MORN1: variants seen among roughly 807,000 people sequenced by gnomAD.
MORN1 encodes MORN repeat containing 1.
MORN1 carries 67 observed loss-of-function variants against 61.9 expected under a neutral mutation model. The ratio of observed to expected loss-of-function variants is 1.08; its 90% CI spans 0.89 to 1.33. The LOEUF is 1.33. Among genes scored for constraint, MORN1 ranks in the 40% most tolerant of loss-of-function variants. MORN1 has a pLI of 0.00. For missense variants in MORN1, 752 were observed against 691.2 expected (o/e 1.09, Z -0.99); for synonymous variants, 301 against 292.0 (o/e 1.03, Z -0.31).
intron 12 of MORN1, among the ~76,000 whole-genome samples, chr1:2,327,463 C>G (rs1202306293): frequency 6.6e-6 from 1 of 151,318 alleles, no homozygotes; most frequent in Non-Finnish European, 1.5e-5. Context: ...AACACAAACA[C>G]AGAAACACAG....
chr1:2,387,970 G>A, intron 3 of MORN1: 1 of 477,446 alleles, frequency 2.1e-6, no homozygotes, highest in Non-Finnish European at 3.7e-6. Context: ...GATACAATGT[G>A]GCTGAAATAG....
chr1:2,363,342 CCT>C (rs1379100130), intron 8 of MORN1: 5 of 152,118 alleles, frequency 3.3e-5, no homozygotes, highest in African/African-American at 1.2e-4. Flanking sequence ...CTCTGCTACC[CCT>C]GACACAGCAA....
At chr1:2,321,686 G>A (rs986986271) in intron 13 of MORN1, 107 bp from the exon 14 acceptor site, 13 of 1,346,372 alleles carry the variant, frequency 9.7e-6, no homozygotes, top group Non-Finnish European at 1.3e-5. Context: ...CTGTGCCCCC[G>A]ACCCTGGTCA....
In MORN1 at chr1:2,385,022, G is replaced by A. The variant is rs760844307; in HGVS notation, c.493C>T (p.Gln165Ter). 5.0e-6 allele frequency: 8 copies of A among 1,599,272 alleles called. No individual in the cohort carries two copies. Among genetic ancestry groups the A allele is most frequent in the Non-Finnish European group, 5.1e-6 (6 of 1,174,634 alleles). Residue 165 changes from glutamine to a stop codon, truncating the protein, a stop_gained, in exon 6 of 14, where the codon CAG becomes TAG. Transcript: ENST00000378531. LOFTEE classifies it high-confidence loss of function. ...YDGDWVRDRRQGHGVLRCADG... is the reference protein window; with the variant it reads ...YDGDWVRDRR ...GCGCAGCGCAGCACCCCGTGTCCCT[G>A]ACGCCGGTCCCGGACCCAGTCGCCG...
intron 13 of MORN1, chr1:2,323,297 G>T (rs192837963): frequency 1.7e-5 from 17 of 985,274 alleles, no homozygotes; most frequent in Non-Finnish European, 2.0e-5. Context: ...TTGTTCTCCC[G>T]CTGCGCCAGA....
chr1:2,343,426 G>A (rs546728195), intron 10 of MORN1, among the ~76,000 whole-genome samples: 4 of 152,330 alleles, frequency 2.6e-5, no homozygotes, highest in African/African-American at 7.2e-5. Context: ...GGGGCCAGGC[G>A]GGTGCCGTTC....
intron 12 of MORN1, among the ~76,000 whole-genome samples, chr1:2,325,758 A>G (rs1422302839): frequency 1.3e-5 from 2 of 149,834 alleles, no homozygotes; most frequent in Non-Finnish European, 3.0e-5. Context: ...AGTAGCTAAG[A>G]TTACAGGCAC....
intron 2 of MORN1, 41 bp downstream of exon 2, chr1:2,389,884 T>C: frequency 6.3e-7 from 1 of 1,577,530 alleles, no homozygotes; most frequent in South Asian, 1.1e-5. Context: ...TCGTCAGCTG[T>C]GGGGCAGCAG....
intron 10 of MORN1, among the ~76,000 whole-genome samples, chr1:2,344,991 G>A (rs922251723): frequency 2.7e-5 from 4 of 149,148 alleles, no homozygotes; most frequent in Non-Finnish European, 4.4e-5. Flanking sequence ...CCCTGAAAAC[G>A]GCGTCAGCCT....
At chr1:2,342,897 T>TTTTA (rs1641433675) in intron 10 of MORN1, among the ~76,000 whole-genome samples, 1 of 145,724 alleles carries the variant, frequency 6.9e-6, no homozygotes. Flanking sequence ...TTTTATTTTA[T>TTTTA]TTTATTTTAT....
chr1:2,328,132 C>T (rs1002320067), intron 12 of MORN1, among the ~76,000 whole-genome samples: 10 of 152,268 alleles, frequency 6.6e-5, no homozygotes, highest in Admixed American at 2.6e-4. Flanking sequence ...GGCCTAGGCT[C>T]GGCCTTTGCT....
At chr1:2,322,297 C>T (rs1021842576) in intron 13 of MORN1, 10 of 985,282 alleles carry the variant, frequency 1.0e-5, no homozygotes, top group Non-Finnish European at 1.1e-5. Flanking sequence ...GGGCTGGCAC[C>T]GGAGCGTGGA....
At chr1:2,368,761 C>T (rs1642047207) in intron 8 of MORN1, among the ~76,000 whole-genome samples, 1 of 152,120 alleles carries the variant, frequency 6.6e-6, no homozygotes, top group African/African-American at 2.4e-5. Flanking sequence ...AAGATGGCTA[C>T]ATCCAAAAGA....
chr1:2,324,193 C>A (rs371034586), intron 12 of MORN1, 50 bp from the exon 13 acceptor site: 3 of 1,542,372 alleles, frequency 1.9e-6, no homozygotes, highest in African/African-American at 1.4e-5. Context: ...TGGGCCCCGA[C>A]GACATGGCAT....
chr1:2,355,344 C>T, intron 10 of MORN1: 2 of 1,521,824 alleles, frequency 1.3e-6, no homozygotes, highest in South Asian at 1.2e-5. Flanking sequence ...GCGCCGGGCC[C>T]TGCTGCCCCA....
chr1:2,368,498 T>A (rs910041868), intron 8 of MORN1, among the ~76,000 whole-genome samples: 1 of 152,140 alleles, frequency 6.6e-6, no homozygotes, highest in African/African-American at 2.4e-5. Context: ...GTTGCCATGG[T>A]GATGGTAAAC....
At chr1:2,336,316 G>A (rs919780258) in intron 12 of MORN1, among the ~76,000 whole-genome samples, 153 bp downstream of exon 12, 1 of 152,202 alleles carries the variant, frequency 6.6e-6, no homozygotes, top group Non-Finnish European at 1.5e-5. Flanking sequence ...CTGGCTGGCG[G>A]GGGGGCTCTC....
intron 1 of MORN1, chr1:2,390,368 T>C (rs1570063221): frequency 1.0e-6 from 1 of 956,806 alleles, no homozygotes; most frequent in Non-Finnish European, 1.2e-6. Flanking sequence ...AGAGCGGCAG[T>C]GTCAGTGAGG....
At chr1:2,355,250 G>A in intron 10 of MORN1, 1 of 1,420,496 alleles carries the variant, frequency 7.0e-7, no homozygotes, top group Non-Finnish European at 9.2e-7. Flanking sequence ...ATCAACTGAG[G>A]TGAAGGCAGA....
Sources: allele counts gnomAD v4.1 joint callset (sites outside exome capture counted in the v4.1 genomes callset), GRCh38; gene constraint gnomAD v4.1.1; transcripts MANE v1.5; gene names NCBI Gene and HGNC (gene_info 2026-07-23, HGNC 2026-07-21).